Variants in EPB41L4B observed in about 807,000 individuals in gnomAD.
EPB41L4B encodes band 4.1-like protein 4B.
In EPB41L4B, 30 loss-of-function variants were observed where a neutral mutation model predicts 112.5. That is an observed-to-expected ratio of 0.27 (90% CI 0.20 to 0.36). The LOEUF is 0.36. EPB41L4B is among the 10% of genes least tolerant of loss of function. The pLI is 1.00. For missense variants in EPB41L4B, 1,024 were observed against 1,133.3 expected (o/e 0.90, Z 1.38); for synonymous variants, 408 against 439.7 (o/e 0.93, Z 0.90).
intron 1 of EPB41L4B, among the ~76,000 whole-genome samples, chr9:109,283,063 T>G (rs1323211379): frequency 2.6e-5 from 4 of 152,114 alleles, no homozygotes; most frequent in Non-Finnish European, 4.4e-5. Flanking sequence ...TAAAAGAGAT[T>G]TAAAATACAC....
intron 15 of EPB41L4B, among the ~76,000 whole-genome samples, chr9:109,233,615 C>T (rs1026280874): frequency 2.5e-4 from 38 of 151,162 alleles, no homozygotes; most frequent in African/African-American, 8.1e-4. Flanking sequence ...ACTGCAGCCT[C>T]CGCCTCCCGG....
chr9:109,191,812 C>T (rs1832469656), intron 22 of EPB41L4B, among the ~76,000 whole-genome samples: 1 of 152,194 alleles, frequency 6.6e-6, no homozygotes, highest in Non-Finnish European at 1.5e-5. Flanking sequence ...ACAAGGGCTG[C>T]CATCCCTAAG....
chr9:109,243,622 C>A lies in EPB41L4B; in HGVS notation c.1405G>T (p.Val469Phe), dbSNP rs2118971468. 6.2e-7 allele frequency: 1 copy of A among 1,614,076 alleles called. No homozygotes were observed. Among genetic ancestry groups the A allele is most frequent in the East Asian group, 2.2e-5 (1 of 44,908 alleles). Residue 469 changes from valine (V) to phenylalanine (F), a missense_variant, in exon 15 of 26, where the codon GTC becomes TTC. Physicochemically the swap from Val to Phe is conservative, Grantham distance 50. Transcript: ENST00000374566. ...TCTGGAAGCACCAGCACTTACCTGACATTTGGAGAGTGAGGATGCCACCGG... is the reference window on the plus strand; with the variant it reads ...TCTGGAAGCACCAGCACTTACCTGAAATTTGGAGAGTGAGGATGCCACCGG... ...QPRWHPHSPN[V>F]SYPLPSPVLS... is the part of the protein sequence containing the mutation.
At chr9:109,255,948 T>TA in intron 9 of EPB41L4B, 105 bp from the exon 10 acceptor site, 1 of 1,257,170 alleles carries the variant, frequency 8.0e-7, no homozygotes, top group Non-Finnish European at 1.1e-6. Flanking sequence ...AAAAAAAAAA[T>TA]AAAAACATTC....
At chr9:109,201,800 G>A (rs1181573699) in intron 19 of EPB41L4B, among the ~76,000 whole-genome samples, 3 of 152,200 alleles carry the variant, frequency 2.0e-5, no homozygotes, top group Non-Finnish European at 2.9e-5. Flanking sequence ...AGGGAAAGTC[G>A]AGGCCGGGTC....
intron 15 of EPB41L4B, among the ~76,000 whole-genome samples, chr9:109,233,797 G>T (rs1008466086): frequency 1.2e-4 from 19 of 152,068 alleles, no homozygotes; most frequent in Non-Finnish European, 2.5e-4. Context: ...CTCCCAAAGT[G>T]CTACGATTAC....
chr9:109,307,882 G>T (rs3763640), intron 1 of EPB41L4B, among the ~76,000 whole-genome samples: 21,081 of 152,004 alleles, frequency 0.14, 1,630 homozygotes, highest in Middle Eastern at 0.22. Context: ...GCTCATAAGC[G>T]CTGGGGGGCT....
At position 109,307,289 on chromosome 9, in the gene EPB41L4B, A is replaced by T. The variant is rs757241768; in HGVS notation, c.306+12852T>A. ...ACTTCATCGCTTTTAGAATAAAGCT[A>T]AATACCTCTGGACTTCAAAGCAAAA... On this transcript the variant is annotated intron_variant, in intron 1 of 25. Coordinates refer to ENST00000374566, the MANE Select transcript of EPB41L4B (RefSeq NM_019114.5). The T allele has an allele frequency of 4.6e-5, 22 of 478,966 alleles. No homozygotes were observed. In the Admixed American group the frequency reaches 5.1e-4, roughly 11 times the overall value. The allele number at this position is 478,966 out of a possible 1,614,324, so 29.7% of individuals were successfully genotyped here.
intron 2 of EPB41L4B, among the ~76,000 whole-genome samples, chr9:109,269,670 T>C (rs1033782685): frequency 3.3e-5 from 5 of 152,354 alleles, no homozygotes; most frequent in South Asian, 2.1e-4. Context: ...TTCCCATCAC[T>C]TTATGTGGAC....
At chr9:109,211,213 C>G (rs1833153465) in intron 17 of EPB41L4B, among the ~76,000 whole-genome samples, 1 of 152,084 alleles carries the variant, frequency 6.6e-6, no homozygotes, top group Non-Finnish European at 1.5e-5. Context: ...GCCAGTGGCT[C>G]CCAATTTTGG....
intron 15 of EPB41L4B, among the ~76,000 whole-genome samples, chr9:109,235,719 T>C (rs1044089248): frequency 4.6e-5 from 7 of 152,200 alleles, no homozygotes; most frequent in Non-Finnish European, 8.8e-5. Flanking sequence ...TGAATCTCTT[T>C]GGCCTGTTTC....
chr9:109,203,296 T>G lies in EPB41L4B; in HGVS notation c.1946+367A>C, dbSNP rs567269545. Reference sequence around the variant, plus strand: ...GCTGGAGTTGTGAGCAGAGGCCAGGTCTTGAAGGGCCTGGCCTCCTGCACT... The same window carrying G: ...GCTGGAGTTGTGAGCAGAGGCCAGGGCTTGAAGGGCCTGGCCTCCTGCACT... On this transcript the variant is annotated intron_variant, in intron 19 of 25. Transcript: ENST00000374566. 2.4e-3 allele frequency among the ~76,000 whole-genome samples: 361 copies of G among 152,258 alleles called. 2 individuals are homozygous for G. Among genetic ancestry groups the G allele is most frequent in the African/African-American group, 8.3e-3 (346 of 41,562 alleles).
chr9:109,185,930 C>T (rs1343450850), intron 22 of EPB41L4B, among the ~76,000 whole-genome samples: 1 of 152,058 alleles, frequency 6.6e-6, no homozygotes. Context: ...GCCAACTGCA[C>T]AGGACAGGTA....
intron 1 of EPB41L4B, among the ~76,000 whole-genome samples, chr9:109,287,718 T>C (rs1179670741): frequency 1.3e-5 from 2 of 152,112 alleles, no homozygotes; most frequent in Admixed American, 1.3e-4. Flanking sequence ...ACACCAGCCT[T>C]GATCTCCTGG....
At chr9:109,223,322 C>A (rs1833655838) in intron 15 of EPB41L4B, among the ~76,000 whole-genome samples, 1 of 151,714 alleles carries the variant, frequency 6.6e-6, no homozygotes, top group Non-Finnish European at 1.5e-5. Flanking sequence ...GTGGTCCTAG[C>A]TACTCAGGAG....
chr9:109,293,135 G>C (rs1237862460), intron 1 of EPB41L4B, among the ~76,000 whole-genome samples: 1 of 152,200 alleles, frequency 6.6e-6, no homozygotes, highest in Admixed American at 6.5e-5. Flanking sequence ...TGACAAATGT[G>C]GTTGTTTTAC....
chr9:109,213,106 C>A (rs1833241026), intron 17 of EPB41L4B, among the ~76,000 whole-genome samples: 2 of 152,158 alleles, frequency 1.3e-5, no homozygotes, highest in South Asian at 2.1e-4. Context: ...AAGGGCTGTG[C>A]AACCTTGAGA....
Position 109,320,500 on chromosome 9 carries a change from G to T in EPB41L4B, c.-54C>A. The T allele has an allele frequency of 1.2e-6, 1 of 834,564 alleles. No homozygotes were observed. The highest frequency in any genetic ancestry group is 1.4e-6 in the Non-Finnish European group (1 of 692,508). 51.7% of individuals were successfully genotyped at this position (834,564 alleles called of 1,614,324 possible). On this transcript the variant is annotated 5_prime_UTR_variant, in exon 1 of 26. Coordinates refer to ENST00000374566, the MANE Select transcript of EPB41L4B (RefSeq NM_019114.5). Reference sequence around the variant, plus strand: ...CCCCTGCGCTGCCGCTGCCGCTGCCGCTGCCGCTGCGCCGCCGCCCGGGAG... The same window carrying T: ...CCCCTGCGCTGCCGCTGCCGCTGCCTCTGCCGCTGCGCCGCCGCCCGGGAG...
At chr9:109,221,232 G>C (rs886417207) in intron 15 of EPB41L4B, among the ~76,000 whole-genome samples, 3 of 152,144 alleles carry the variant, frequency 2.0e-5, no homozygotes, top group Non-Finnish European at 4.4e-5. Context: ...AAGAAGGGAG[G>C]GGAGGGAGGG....
Sources: allele counts gnomAD v4.1 joint callset (sites outside exome capture counted in the v4.1 genomes callset), GRCh38; gene constraint gnomAD v4.1.1; transcripts MANE v1.5; gene names NCBI Gene and HGNC (gene_info 2026-07-23, HGNC 2026-07-21).